GART: variants seen among roughly 807,000 people sequenced by gnomAD.
The protein encoded by GART is phosphoribosylglycinamide formyltransferase, phosphoribosylglycinamide synthetase, phosphoribosylaminoimidazole synthetase, also known as trifunctional purine biosynthetic protein adenosine-3.
Under a neutral mutation model 107.2 loss-of-function variants are expected in GART, and 43 were observed. The observed-to-expected ratio is 0.40, with a 90% CI of 0.31 to 0.52. The LOEUF (loss-of-function observed/expected upper bound fraction) is 0.52, where lower values mean the gene tolerates loss of function less well. Ranked by LOEUF, GART falls within the 20% of genes least tolerant of loss-of-function variation. GART has a pLI of 0.52. For missense variants in GART, 1,107 were observed against 1,206.5 expected (o/e 0.92, Z 1.22); for synonymous variants, 434 against 427.0 (o/e 1.02, Z -0.20).
chr21:33,505,258 G>A (rs1437541521), intron 20 of GART, among the ~76,000 whole-genome samples: 1 of 152,140 alleles, frequency 6.6e-6, no homozygotes, highest in East Asian at 1.9e-4. Flanking sequence ...TTCAAAAGAT[G>A]AAATATTATC....
At chr21:33,533,898 C>T (rs1305152317) in intron 4 of GART, among the ~76,000 whole-genome samples, 1 of 151,538 alleles carries the variant, frequency 6.6e-6, no homozygotes, top group Admixed American at 6.6e-5. Context: ...GAGAGAGGCC[C>T]CGTCTCAGGT....
intron 12 of GART, among the ~76,000 whole-genome samples, chr21:33,521,951 CAA>C (rs1252653074): frequency 1.3e-4 from 11 of 82,784 alleles, no homozygotes; most frequent in East Asian, 3.4e-4. Context: ...ACTCTTGTCT[CAA>C]AAAAAAAAAA....
chr21:33,530,121 G>T (rs1237849204), intron 7 of GART, among the ~76,000 whole-genome samples: 1 of 152,214 alleles, frequency 6.6e-6, no homozygotes, highest in African/African-American at 2.4e-5. Flanking sequence ...GAACCCAGGA[G>T]GTGGAGGATG....
rs777185578 is a variant in GART, at chr21:33,520,567, G to GT, written c.1504-6dup. 2 of 1,611,082 alleles carry GT rather than the reference G, an allele frequency of 1.2e-6. No homozygotes were observed. Among genetic ancestry groups the GT allele is most frequent in the Non-Finnish European group, 8.5e-7 (1 of 1,177,530 alleles). On this transcript the variant is annotated splice_region_variant and splice_polypyrimidine_tract_variant and intron_variant, in intron 13 of 21. Transcript: ENST00000381815. ...TTTATTGCATAGCTGGGCAATCTAT[G>GT]TAAGAACAATATAAACATCCACATT...
chr21:33,505,321 C>T (rs1378889619), intron 20 of GART, among the ~76,000 whole-genome samples: 1 of 152,148 alleles, frequency 6.6e-6, no homozygotes, highest in Non-Finnish European at 1.5e-5. Context: ...TGATTAATTA[C>T]AGCAAGCCAA....
chr21:33,531,440 A>G, intron 6 of GART, 49 bp downstream of exon 6: 1 of 1,532,828 alleles, frequency 6.5e-7, no homozygotes, highest in Non-Finnish European at 9.0e-7. Context: ...CACAGGTCAG[A>G]TGACAGCTTC....
chr21:33,509,629 G>GA, intron 18 of GART, 154 bp downstream of exon 18: 1 of 629,084 alleles, frequency 1.6e-6, no homozygotes, highest in Non-Finnish European at 2.4e-6. Flanking sequence ...AAGAAAAGTG[G>GA]AAAGACTAAG....
intron 4 of GART, among the ~76,000 whole-genome samples, chr21:33,533,763 G>A (rs2085244596): frequency 1.3e-5 from 2 of 152,038 alleles, no homozygotes; most frequent in African/African-American, 4.8e-5. Flanking sequence ...AAACTAGCTG[G>A]GAGTAGTGGT....
At chr21:33,516,152 G>A (rs376063268) in intron 16 of GART, among the ~76,000 whole-genome samples, 284 of 151,410 alleles carry the variant, frequency 1.9e-3, no homozygotes, top group African/African-American at 6.3e-3. Context: ...GGAGGCTGAG[G>A]CAGGATAATC....
chr21:33,524,580 T>C (rs1374795181), intron 11 of GART, 189 bp downstream of exon 11: 21 of 1,215,054 alleles, frequency 1.7e-5, no homozygotes, highest in South Asian at 2.6e-5. Flanking sequence ...ACTTACGCTA[T>C]CATGAAGTTT....
chr21:33,509,818 T>C lies in GART; in HGVS notation c.2417A>G (p.Lys806Arg), dbSNP rs775381011. Residue 806 changes from lysine (K) to arginine (R), a missense_variant, in exon 18 of 22, where the codon AAA becomes AGA. Physicochemically the swap from Lys to Arg is conservative, Grantham distance 26. Transcript: ENST00000381815. ...TATTAAGACAGCCACTCTGGCCTTT[T>C]TTTTTTCAAAAGAGAAATGATTTGT... ...SLTNHFSFEK[K>R]KARVAVLISG... 1.3e-4 allele frequency: 202 copies of C among 1,613,946 alleles called. No individual in the cohort carries two copies. The highest frequency in any genetic ancestry group is 1.7e-4 in the Non-Finnish European group (198 of 1,180,006).
At chr21:33,524,527 CAAAT>C (rs1321980018) in intron 11 of GART, 12 of 1,115,266 alleles carry the variant, frequency 1.1e-5, no homozygotes, top group African/African-American at 1.6e-5. Flanking sequence ...AAATAGAAAA[CAAAT>C]AAAAATCAGT....
intron 10 of GART, among the ~76,000 whole-genome samples, chr21:33,527,433 G>A (rs112463290): frequency 6.6e-6 from 1 of 151,986 alleles, no homozygotes; most frequent in East Asian, 1.9e-4. Context: ...CAGAAGAATC[G>A]CTTGAACCCA....
chr21:33,532,547 C>G (rs1320103004), intron 4 of GART, 91 bp from the exon 5 acceptor site: 4 of 902,382 alleles, frequency 4.4e-6, no homozygotes, highest in Non-Finnish European at 7.1e-6. Context: ...TATGCTATAG[C>G]AATGACTGAA....
In GART at chr21:33,509,743, C is replaced by G. The variant is rs1167990278; in HGVS notation, c.2452+40G>C. The G allele has an allele frequency of 1.9e-6, 3 of 1,602,018 alleles. No individual in the cohort carries two copies. In the South Asian group the frequency reaches 3.4e-5, roughly 18 times the overall value. On this transcript the variant is annotated intron_variant, in intron 18 of 21. Coordinates refer to ENST00000381815, the MANE Select transcript of GART (RefSeq NM_000819.5). ...AAGAGTGCGGGGAGGAAAGGAAGGG[C>G]AGTCAACAGCTCTACAGTGAAGGGG...
At chr21:33,536,449 A>G (rs1476963097) in intron 2 of GART, among the ~76,000 whole-genome samples, 1 of 152,232 alleles carries the variant, frequency 6.6e-6, no homozygotes, top group Non-Finnish European at 1.5e-5. Context: ...ACAGAGTACA[A>G]GAAGTGATAT....
chr21:33,531,427 G>A, intron 6 of GART, 62 bp downstream of exon 6: 6 of 1,423,654 alleles, frequency 4.2e-6, no homozygotes, highest in Non-Finnish European at 4.9e-6. Flanking sequence ...CTTTTCTGGG[G>A]TACACAGGTC....
intron 11 of GART, among the ~76,000 whole-genome samples, chr21:33,522,559 T>C (rs183825674): frequency 2.3e-4 from 35 of 152,374 alleles, no homozygotes; most frequent in African/African-American, 7.7e-4. Context: ...CTATTTCTTC[T>C]ACAAGTACTT....
intron 11 of GART, chr21:33,524,512 A>T (rs1490194875): frequency 2.0e-6 from 2 of 983,704 alleles, no homozygotes; most frequent in Non-Finnish European, 2.5e-6. Context: ...AATATAAAAT[A>T]AAAAAAATAG....
Sources: gnomAD v4.1 joint callset for allele counts (sites outside exome capture counted in the v4.1 genomes callset) on GRCh38, gnomAD v4.1.1 for gene constraint, MANE v1.5 for transcripts, NCBI Gene and HGNC (gene_info 2026-07-23, HGNC 2026-07-21) for gene names.